MFHAS1: variants seen among roughly 807,000 people sequenced by gnomAD.
MFHAS1 encodes malignant fibrous histiocytoma-amplified sequence 1.
MFHAS1 carries 50 observed loss-of-function variants against 70.4 expected under a neutral mutation model. The observed-to-expected ratio is 0.71, with a 90% confidence interval of 0.57 to 0.90. MFHAS1 has a LOEUF of 0.90. MFHAS1 is among the 40% of genes least tolerant of loss of function. MFHAS1 has a pLI of 0.00. For synonymous variants in MFHAS1, 952 were observed against 620.0 expected (o/e 1.54, Z -7.96); for missense variants, 1,795 against 1,347.6 (o/e 1.33, Z -5.20).
intron 1 of MFHAS1, among the ~76,000 whole-genome samples, chr8:8,798,686 G>C (rs1805986173): frequency 6.6e-6 from 1 of 152,026 alleles, no homozygotes; most frequent in South Asian, 2.1e-4. Context: ...ACACCAACTG[G>C]GGAAAGACAC....
chr8:8,834,441 G>A (rs902638063), intron 1 of MFHAS1, among the ~76,000 whole-genome samples: 13 of 152,128 alleles, frequency 8.5e-5, no homozygotes, highest in African/African-American at 1.2e-4. Context: ...TTCACGAGAC[G>A]TGCCCTATAC....
At chr8:8,809,218 C>A (rs576329844) in intron 1 of MFHAS1, among the ~76,000 whole-genome samples, 1 of 152,164 alleles carries the variant, frequency 6.6e-6, no homozygotes, top group Non-Finnish European at 1.5e-5. Context: ...ATAATTATCT[C>A]ATTATCTATT....
At chr8:8,852,291 T>A (rs561808114) in intron 1 of MFHAS1, among the ~76,000 whole-genome samples, 6 of 152,078 alleles carry the variant, frequency 3.9e-5, no homozygotes, top group African/African-American at 1.4e-4. Flanking sequence ...CTGTGCAACA[T>A]GGTGAAACCT....
chr8:8,802,186 T>C (rs1389438291), intron 1 of MFHAS1, among the ~76,000 whole-genome samples: 1 of 152,144 alleles, frequency 6.6e-6, no homozygotes, highest in Non-Finnish European at 1.5e-5. Flanking sequence ...ATTATCCTCA[T>C]TATATACAGA....
chr8:8,830,921 C>T (rs1180436630), intron 1 of MFHAS1, among the ~76,000 whole-genome samples: 4 of 152,170 alleles, frequency 2.6e-5, no homozygotes, highest in Non-Finnish European at 5.9e-5. Flanking sequence ...ACTTTCCCTT[C>T]CTTTAAAGTC....
At chr8:8,789,675 TGC>T (rs1805663288) in intron 2 of MFHAS1, among the ~76,000 whole-genome samples, 8 of 152,174 alleles carry the variant, frequency 5.3e-5, no homozygotes, top group Non-Finnish European at 2.9e-5. Flanking sequence ...CTGGAGGGAC[TGC>T]CCCTCCTAGG....
intron 1 of MFHAS1, among the ~76,000 whole-genome samples, chr8:8,874,359 C>A (rs1809207425): frequency 6.7e-6 from 1 of 148,882 alleles, no homozygotes; most frequent in South Asian, 2.1e-4. Flanking sequence ...CACACACACA[C>A]ACACACACAC....
intron 1 of MFHAS1, among the ~76,000 whole-genome samples, chr8:8,877,242 G>A (rs902426394): frequency 6.9e-6 from 1 of 144,952 alleles, no homozygotes; most frequent in Non-Finnish European, 1.5e-5. Flanking sequence ...CAAGGCTTTA[G>A]TGAGCTGTGA....
intron 1 of MFHAS1, among the ~76,000 whole-genome samples, chr8:8,842,856 T>C (rs73504237): frequency 0.032 from 4,850 of 152,344 alleles, 221 homozygotes; most frequent in African/African-American, 0.099. Flanking sequence ...CGGATGCTCA[T>C]AGTGCTCCCT....
At chr8:8,884,076 ACACAC>A (rs1563220099) in intron 1 of MFHAS1, among the ~76,000 whole-genome samples, 10 of 148,434 alleles carry the variant, frequency 6.7e-5, no homozygotes, top group African/African-American at 2.6e-4. Context: ...ACACACACAC[ACACAC>A]AAAAAGAAAA....
At chr8:8,860,376 T>G (rs140184966) in intron 1 of MFHAS1, among the ~76,000 whole-genome samples, 417 of 152,296 alleles carry the variant, frequency 2.7e-3, no homozygotes, top group African/African-American at 9.6e-3. Context: ...CCCCTGTACT[T>G]AATTATTAGA....
chr8:8,869,445 G>A (rs574504502), intron 1 of MFHAS1, among the ~76,000 whole-genome samples: 4 of 152,142 alleles, frequency 2.6e-5, no homozygotes, highest in South Asian at 2.1e-4. Flanking sequence ...ATTTTAAAGC[G>A]GTGACAGGTT....
chr8:8,830,822 C>T (rs1398036459), intron 1 of MFHAS1, among the ~76,000 whole-genome samples: 2 of 152,194 alleles, frequency 1.3e-5, no homozygotes, highest in Non-Finnish European at 2.9e-5. Flanking sequence ...GTCTCAAACT[C>T]CTGACCTCAG....
intron 1 of MFHAS1, among the ~76,000 whole-genome samples, chr8:8,834,142 AAAAC>A (rs760272626): frequency 1.6e-3 from 242 of 150,798 alleles, no homozygotes; most frequent in Middle Eastern, 3.4e-3. Flanking sequence ...CAAAAAAAAC[AAAAC>A]AAACAAACAA....
intron 1 of MFHAS1, among the ~76,000 whole-genome samples, chr8:8,818,580 T>A (rs1312698930): frequency 6.6e-6 from 1 of 152,224 alleles, no homozygotes; most frequent in Non-Finnish European, 1.5e-5. Context: ...GGATAGTAAA[T>A]GCCAAATATG....
intron 1 of MFHAS1, among the ~76,000 whole-genome samples, chr8:8,808,601 G>A (rs2117278189): frequency 6.6e-6 from 1 of 152,294 alleles, no homozygotes; most frequent in South Asian, 2.1e-4. Flanking sequence ...CAGTGAGAAT[G>A]AATATTCTGT....
chr8:8,796,579 G>C (rs548285849), intron 2 of MFHAS1, among the ~76,000 whole-genome samples: 2 of 148,822 alleles, frequency 1.3e-5, no homozygotes, highest in Non-Finnish European at 3.0e-5. Flanking sequence ...AGCTACTCGG[G>C]AGGCTGAGGC....
intron 1 of MFHAS1, among the ~76,000 whole-genome samples, chr8:8,884,136 T>A (rs1809658542): frequency 6.6e-6 from 1 of 151,850 alleles, no homozygotes; most frequent in Non-Finnish European, 1.5e-5. Context: ...AAACTACTTG[T>A]GCAGAGATGG....
At chr8:8,834,219 G>A (rs1807517137) in intron 1 of MFHAS1, among the ~76,000 whole-genome samples, 1 of 152,196 alleles carries the variant, frequency 6.6e-6, no homozygotes, top group African/African-American at 2.4e-5. Context: ...ATACTATGGT[G>A]GTCCCATAAG....
Sources: gnomAD v4.1 joint callset for allele counts (sites outside exome capture counted in the v4.1 genomes callset) on GRCh38, gnomAD v4.1.1 for gene constraint, MANE v1.5 for transcripts, NCBI Gene and HGNC (gene_info 2026-07-23, HGNC 2026-07-21) for gene names.